Variants in TMLHE observed in about 807,000 individuals in gnomAD.
TMLHE encodes trimethyllysine hydroxylase, epsilon.
In TMLHE, 18 loss-of-function variants were observed where a neutral mutation model predicts 25.7. That is an observed-to-expected ratio of 0.70 (90% CI 0.48 to 1.04). The LOEUF is 1.04. Ranked by LOEUF, TMLHE falls within the 50% of genes least tolerant of loss-of-function variation. The pLI, the probability that TMLHE is intolerant of heterozygous loss-of-function variation, is 0.00. For missense variants in TMLHE, 236 were observed against 259.0 expected (o/e 0.91, Z 0.61); for synonymous variants, 105 against 97.0 (o/e 1.08, Z -0.49).
At chrX:155,583,177 T>A (rs1189003694) in intron 1 of TMLHE, among the ~76,000 whole-genome samples, 6 of 109,721 alleles carry the variant, frequency 5.5e-5, no homozygotes, top group African/African-American at 2.0e-4. Context: ...TGTCGTGGGG[T>A]TGGGGGATGG....
intron 2 of TMLHE, among the ~76,000 whole-genome samples, chrX:155,542,055 C>A (rs1364411476): frequency 1.8e-5 from 2 of 111,311 alleles, no homozygotes; most frequent in Admixed American, 1.9e-4. Flanking sequence ...TTAATCAGAT[C>A]CCATTTGTCT....
intron 2 of TMLHE, among the ~76,000 whole-genome samples, chrX:155,543,058 C>G (rs2067322287): frequency 9.0e-6 from 1 of 110,657 alleles, no homozygotes; most frequent in Non-Finnish European, 1.9e-5. Flanking sequence ...TAGTATGATG[C>G]CTCCAGCTTT....
chrX:155,588,914 A>G (rs2124482656), intron 1 of TMLHE, among the ~76,000 whole-genome samples: 1 of 112,002 alleles, frequency 8.9e-6, no homozygotes, highest in African/African-American at 3.2e-5. Flanking sequence ...TGGAAACAGT[A>G]TGGAGGATGT....
rs1485857590 is a variant in TMLHE, at chrX:155,570,876, A to G, written c.-1-25599T>C. 3.5e-4 allele frequency among the ~76,000 whole-genome samples: 20 copies of G among 57,762 alleles called. 7 individuals carry two copies. The highest frequency in any genetic ancestry group is 2.4e-3 in the Admixed American group (12 of 4,982). 50.2% of individuals were successfully genotyped at this position (57,762 alleles called of 115,157 possible). On this transcript the variant is annotated intron_variant, in intron 1 of 7. Transcript: ENST00000334398. ...TATAGCACTAAATACCCACAAGAGA[A>G]GCAGGAAAGATCCAAAATTGACACC...
intron 1 of TMLHE, among the ~76,000 whole-genome samples, chrX:155,575,756 C>T (rs899255221): frequency 1.8e-5 from 2 of 112,324 alleles, no homozygotes; most frequent in African/African-American, 6.5e-5. Flanking sequence ...ACAAAAACTA[C>T]ATGATTATTT....
At chrX:155,556,703 A>G (rs1377312880) in intron 1 of TMLHE, among the ~76,000 whole-genome samples, 4 of 110,046 alleles carry the variant, frequency 3.6e-5, no homozygotes, top group Non-Finnish European at 5.7e-5. Flanking sequence ...ACATCTTATC[A>G]GGGGACAGGG....
intron 2 of TMLHE, among the ~76,000 whole-genome samples, chrX:155,538,778 T>C (rs1291670451): frequency 1.8e-5 from 2 of 111,868 alleles, no homozygotes; most frequent in Non-Finnish European, 3.8e-5. Flanking sequence ...TCTATCTCTT[T>C]TTCATACTCA....
At chrX:155,543,356 A>T (rs2067324167) in intron 2 of TMLHE, among the ~76,000 whole-genome samples, 1 of 112,089 alleles carries the variant, frequency 8.9e-6, no homozygotes, top group Non-Finnish European at 1.9e-5. Flanking sequence ...AAATCAACAT[A>T]CAAAAATCAT....
rs782631894 is a variant in TMLHE at position 155,513,851 on chromosome X, G to C, written c.638+135C>G. On this transcript the variant is annotated intron_variant, in intron 4 of 7. Coordinates refer to ENST00000334398, the MANE Select transcript of TMLHE (RefSeq NM_018196.4). ...AGACCTCAAATAAAGTACTGCAAGT[G>C]AGAGTCCCTTATTCATGCTACAAAA... is the stretch of plus-strand genomic sequence containing the variant. 6.7e-6 allele frequency: 4 copies of C among 599,400 alleles called. No homozygotes were observed. The South Asian group carries it at 1.3e-4, about 19-fold the overall frequency. The allele number at this position is 599,400 out of a possible 1,213,427, so 49.4% of individuals were successfully genotyped here.
At chrX:155,560,724 G>A (rs1283380199) in intron 1 of TMLHE, among the ~76,000 whole-genome samples, 1 of 56,180 alleles carries the variant, frequency 1.8e-5, no homozygotes, top group Non-Finnish European at 5.3e-5. Flanking sequence ...CACTAAGCAA[G>A]AAGTAAAATA....
chrX:155,547,576 TTTTAAGCATACAACAC>T (rs782113132), intron 1 of TMLHE, among the ~76,000 whole-genome samples: 61 of 111,435 alleles, frequency 5.5e-4, no homozygotes. Flanking sequence ...TTTATAATAG[TTTTAAGCATACAACAC>T]AGTGAAAGGT....
chrX:155,605,234 A>G (rs1366998849), intron 1 of TMLHE, among the ~76,000 whole-genome samples: 1 of 112,089 alleles, frequency 8.9e-6, no homozygotes, highest in Non-Finnish European at 1.9e-5. Flanking sequence ...AATATGATAG[A>G]GCTGAAAAAC....
chrX:155,507,419 T>G (rs782209710), intron 5 of TMLHE, among the ~76,000 whole-genome samples: 1 of 109,305 alleles, frequency 9.1e-6, no homozygotes. Flanking sequence ...AACCTATATT[T>G]TCAAGAAGCT....
intron 2 of TMLHE, among the ~76,000 whole-genome samples, chrX:155,533,372 T>TGCGC (rs201401508): frequency 1.6e-5 from 1 of 61,160 alleles, no homozygotes; most frequent in Non-Finnish European, 3.7e-5. Context: ...CACACACACG[T>TGCGC]GCACACGCAC....
chrX:155,548,040 A>G (rs2067366271), intron 1 of TMLHE, among the ~76,000 whole-genome samples: 1 of 111,918 alleles, frequency 8.9e-6, no homozygotes, highest in Non-Finnish European at 1.9e-5. Context: ...AAAACTGGAT[A>G]TCCATATGCA....
intron 1 of TMLHE, among the ~76,000 whole-genome samples, chrX:155,547,297 A>C (rs1218389371): frequency 2.1e-5 from 2 of 95,734 alleles, no homozygotes; most frequent in Non-Finnish European, 4.3e-5. Context: ...GGCACCTGCC[A>C]CCACGCCCGG....
chrX:155,510,376 T>C (rs1290556525), intron 5 of TMLHE, among the ~76,000 whole-genome samples: 4 of 101,956 alleles, frequency 3.9e-5, no homozygotes, highest in Non-Finnish European at 8.0e-5. Context: ...ATTAGGTATA[T>C]CTCCCGATGC....
chrX:155,547,225 A>G (rs1440807778), intron 1 of TMLHE, among the ~76,000 whole-genome samples: 12 of 92,895 alleles, frequency 1.3e-4, no homozygotes, highest in Non-Finnish European at 2.7e-4. Flanking sequence ...GCTCACTGCA[A>G]GCTCCGCCTC....
At chrX:155,493,123 TAAAC>T (rs1557331919) in intron 6 of TMLHE, 2 of 79,373 alleles carry the variant, frequency 2.5e-5, no homozygotes, top group Non-Finnish European at 4.7e-5. Context: ...AATAAATACA[TAAAC>T]AAAGTAATTT....
Sources: allele counts gnomAD v4.1 joint callset (sites outside exome capture counted in the v4.1 genomes callset), GRCh38; gene constraint gnomAD v4.1.1; transcripts MANE v1.5; gene names NCBI Gene and HGNC (gene_info 2026-07-23, HGNC 2026-07-21).